Variants in EVA1C observed in about 807,000 individuals in gnomAD.
EVA1C encodes eva-1 homolog C, also known as protein eva-1 homolog C.
A neutral mutation model predicts 45.4 loss-of-function variants in EVA1C; 25 were observed. The ratio of observed to expected loss-of-function variants is 0.55; its 90% CI spans 0.40 to 0.77. The LOEUF (loss-of-function observed/expected upper bound fraction) is 0.77. EVA1C is among the 30% of genes least tolerant of loss of function. The pLI is 0.00. For missense variants in EVA1C, 479 were observed against 554.8 expected (o/e 0.86, Z 1.37); for synonymous variants, 190 against 221.2 (o/e 0.86, Z 1.25).
intron 1 of EVA1C, chr21:32,433,254 T>A (rs1219890600): frequency 6.6e-6 from 1 of 152,230 alleles, no homozygotes; most frequent in Non-Finnish European, 1.5e-5. Flanking sequence ...CAGATTAACC[T>A]CTTATTTGTT....
intron 7 of EVA1C, among the ~76,000 whole-genome samples, chr21:32,514,266 T>G (rs1277749321): frequency 2.6e-5 from 4 of 152,224 alleles, no homozygotes; most frequent in Non-Finnish European, 5.9e-5. Context: ...TAAGTTTTGC[T>G]AACATCTATT....
chr21:32,504,009 A>C lies in EVA1C; in HGVS notation c.943A>C (p.Ile315Leu). ...CAACTCTCTGGCAGCCTTTGCTTAC[A>C]TTAGAGGTAGGTCAATGAATCAAAG... ...VSNSLAAFAYIRAHPERAALL... is the reference protein window; with the variant it reads ...VSNSLAAFAYLRAHPERAALL... The change falls in exon 7 of 8, where the codon ATT becomes CTT. Residue 315 changes from isoleucine to leucine, a missense_variant. This residue lies in a region of EVA1C where 366 missense variants were observed against 426.1 expected (regional missense o/e 0.86). Coordinates refer to ENST00000300255, the MANE Select transcript of EVA1C (RefSeq NM_058187.5). 1 of 1,606,996 alleles carries C rather than the reference A, an allele frequency of 6.2e-7. No individual in the cohort carries two copies.
At chr21:32,475,401 A>G (rs146408644) in intron 4 of EVA1C, among the ~76,000 whole-genome samples, 1 of 151,422 alleles carries the variant, frequency 6.6e-6, no homozygotes, top group East Asian at 1.9e-4. Flanking sequence ...CCATCATAAT[A>G]TTTAACAGAA....
intron 1 of EVA1C, among the ~76,000 whole-genome samples, chr21:32,438,024 GT>G (rs764497226): frequency 1.3e-5 from 2 of 152,168 alleles, no homozygotes; most frequent in Non-Finnish European, 1.5e-5. Flanking sequence ...AGGAGCAGCT[GT>G]TTTTTGAAGC....
At chr21:32,507,838 C>T in intron 7 of EVA1C, among the ~76,000 whole-genome samples, 1 of 147,404 alleles carries the variant, frequency 6.8e-6, no homozygotes. Context: ...CATGTGTGTG[C>T]ATGTGTCTGT....
At chr21:32,481,641 A>G (rs749521607) in intron 4 of EVA1C, among the ~76,000 whole-genome samples, 1 of 152,156 alleles carries the variant, frequency 6.6e-6, no homozygotes, top group Non-Finnish European at 1.5e-5. Context: ...AAATGCCTCT[A>G]AGACTCTCAC....
At chr21:32,506,380 T>C (rs563142151) in intron 7 of EVA1C, among the ~76,000 whole-genome samples, 30 of 151,254 alleles carry the variant, frequency 2.0e-4, no homozygotes, top group African/African-American at 7.3e-4. Context: ...ATTTATAAGA[T>C]GTCCATTTTT....
chr21:32,482,854 CTTTTTTT>C (rs774611494), intron 4 of EVA1C, among the ~76,000 whole-genome samples: 2 of 60,970 alleles, frequency 3.3e-5, no homozygotes, highest in South Asian at 5.9e-4. Flanking sequence ...GTGTTATTCC[CTTTTTTT>C]TTTTTTTTTT....
Position 32,465,833 on chromosome 21 carries a change from A to G in EVA1C, c.482-1863A>G, listed in dbSNP as rs111686983. ...CCATTATTTAAAGATATCTTTATTAAGATATCATTTACATAGCATAAAATT... is the reference window on the plus strand; with the variant it reads ...CCATTATTTAAAGATATCTTTATTAGGATATCATTTACATAGCATAAAATT... On this transcript the variant is annotated intron_variant, in intron 3 of 7. Coordinates refer to ENST00000300255, the MANE Select transcript of EVA1C (RefSeq NM_058187.5). 1.2e-4 allele frequency among the ~76,000 whole-genome samples: 19 copies of G among 152,298 alleles called. 1 individual carries two copies. The highest frequency in any genetic ancestry group is 4.6e-4 in the African/African-American group (19 of 41,562).
At chr21:32,480,593 A>G (rs1171628673) in intron 4 of EVA1C, among the ~76,000 whole-genome samples, 2 of 152,210 alleles carry the variant, frequency 1.3e-5, no homozygotes, top group East Asian at 1.9e-4. Flanking sequence ...GCTTAAGGCC[A>G]GGGAGTCAAG....
chr21:32,463,389 C>G (rs957181290), intron 3 of EVA1C, among the ~76,000 whole-genome samples: 1 of 152,186 alleles, frequency 6.6e-6, no homozygotes, highest in Non-Finnish European at 1.5e-5. Context: ...AAAACAAATT[C>G]TAGTCTTCTA....
chr21:32,493,610 G>A (rs2016191), intron 4 of EVA1C: 17,408 of 151,994 alleles, frequency 0.11, 1,458 homozygotes, highest in East Asian at 0.25. Flanking sequence ...GATCTCTCCC[G>A]CCTCTGACCT....
intron 3 of EVA1C, among the ~76,000 whole-genome samples, chr21:32,464,805 A>G (rs1163480237): frequency 6.6e-6 from 1 of 152,210 alleles, no homozygotes; most frequent in Non-Finnish European, 1.5e-5. Context: ...TCTGGGTGAC[A>G]GAGTGAGACC....
intron 5 of EVA1C, among the ~76,000 whole-genome samples, chr21:32,500,786 A>G (rs1320776745): frequency 6.6e-6 from 1 of 150,380 alleles, no homozygotes; most frequent in African/African-American, 2.4e-5. Flanking sequence ...AGGTTCATCC[A>G]TGTTGTAGCA....
chr21:32,484,066 A>G (rs1229697975), intron 4 of EVA1C, among the ~76,000 whole-genome samples: 1 of 151,992 alleles, frequency 6.6e-6, no homozygotes, highest in Non-Finnish European at 1.5e-5. Flanking sequence ...GTGGTTAGCC[A>G]TAGATCATTC....
At chr21:32,460,079 A>T (rs1041825) in intron 3 of EVA1C, among the ~76,000 whole-genome samples, 1 of 152,010 alleles carries the variant, frequency 6.6e-6, no homozygotes, top group Admixed American at 6.5e-5. Flanking sequence ...GTGAGGTTTC[A>T]TCTGGTTTAT....
intron 1 of EVA1C, among the ~76,000 whole-genome samples, chr21:32,433,446 C>T (rs952632482): frequency 2.6e-4 from 40 of 152,110 alleles, no homozygotes; most frequent in African/African-American, 8.9e-4. Flanking sequence ...GTATTTCTAC[C>T]TGTGGTTGTC....
chr21:32,478,304 C>T (rs529067707), intron 4 of EVA1C, among the ~76,000 whole-genome samples: 9 of 152,120 alleles, frequency 5.9e-5, no homozygotes, highest in Admixed American at 2.6e-4. Flanking sequence ...CTGCAACCTC[C>T]GCCTCCCAGG....
chr21:32,514,985 A>T lies in EVA1C; in HGVS notation c.1121A>T (p.Asp374Val). The T allele has an allele frequency of 6.2e-7, 1 of 1,614,114 alleles. No individual in the cohort carries two copies. Among genetic ancestry groups the T allele is most frequent in the Non-Finnish European group, 8.5e-7 (1 of 1,179,992 alleles). The change falls in exon 8 of 8, where the codon GAT (aspartate) becomes GTT (valine). Residue 374 changes from aspartate (D) to valine (V), a missense_variant. Asp to Val is a radical substitution (Grantham distance 152, BLOSUM62 -3). Transcript: ENST00000300255. ...GSDKVEEDSE[D>V]EEEEEDPSES... is the part of the protein sequence containing the mutation. Reference sequence around the variant, plus strand: ...GACAAGGTCGAGGAGGACAGCGAGGATGAAGAAGAGGAGGAGGACCCCTCT... The same window carrying T: ...GACAAGGTCGAGGAGGACAGCGAGGTTGAAGAAGAGGAGGAGGACCCCTCT...
Sources: allele counts gnomAD v4.1 joint callset (sites outside exome capture counted in the v4.1 genomes callset), GRCh38; gene constraint gnomAD v4.1.1; regional missense constraint gnomAD v4.1.1; transcripts MANE v1.5; gene names NCBI Gene and HGNC (gene_info 2026-07-23, HGNC 2026-07-21).